The following ZNF589 variants were observed in gnomAD, a reference collection of about 807,000 sequenced individuals.
ZNF589 encodes the protein zinc finger protein 589.
In ZNF589, 17 loss-of-function variants were observed where a neutral mutation model predicts 13.6. The ratio of observed to expected loss-of-function variants is 1.25; its 90% CI spans 0.86 to 1.88. ZNF589 has a LOEUF of 1.88. Ranked by LOEUF, ZNF589 falls within the 40% of genes most tolerant of loss-of-function variation. ZNF589 has a pLI of 0.00. For synonymous variants in ZNF589, 148 were observed against 161.6 expected, an observed-to-expected ratio of 0.92 and a Z score of 0.64; for missense variants, 407 against 434.0, an observed-to-expected ratio of 0.94 and a Z score of 0.55.
rs1463475370 is a variant in ZNF589 at position 48,267,934 on chromosome 3, C to G, written c.243C>G (p.Val81=). 2 of 1,611,000 alleles carry G rather than the reference C, an allele frequency of 1.2e-6. No homozygotes were observed. The highest frequency in any genetic ancestry group is 4.5e-5 in the East Asian group (2 of 44,880). ...CTTCAGCAGAATCAAAGCCAGAAGT[C>G]CATACCTGCCCTTCTTGCCCTCTGG... ...LVSLAESKPE[V]HTCPSCPLAF... is the part of the protein sequence containing the mutation. The change falls in exon 4 of 4, where the codon GTC becomes GTG. Residue 81 remains valine (V), a synonymous_variant. Transcript: ENST00000354698.
In ZNF589 at chr3:48,269,896, A is replaced by G. The variant is rs2034070926; in HGVS notation, c.*1110A>G. ...AGGTGTTGGCTGGAAGTGGCCCCTT[A>G]AGAGATACTTGGAGTCAAATCTATC... On this transcript the variant is annotated 3_prime_UTR_variant, in exon 4 of 4. Coordinates refer to ENST00000354698, the MANE Select transcript of ZNF589 (RefSeq NM_016089.3). 1 of 379,716 alleles carries G rather than the reference A, an allele frequency of 2.6e-6. No individual in the cohort carries two copies. The highest frequency in any genetic ancestry group is 5.2e-6 in the Non-Finnish European group (1 of 192,354). 23.5% of individuals were successfully genotyped at this position (379,716 alleles called of 1,614,324 possible). A position where few individuals can be genotyped will look rare whatever the true frequency, so the allele number is the denominator to read the frequency against.
intron 1 of ZNF589, among the ~76,000 whole-genome samples, chr3:48,241,482 A>AT (rs2033698225): frequency 6.6e-6 from 1 of 152,228 alleles, no homozygotes; most frequent in Non-Finnish European, 1.5e-5. Context: ...GCTGCTGAGC[A>AT]TTTGAGATGT....
At chr3:48,247,729 G>A (rs760510299) in intron 2 of ZNF589, 52 bp downstream of exon 2, 1 of 1,593,596 alleles carries the variant, frequency 6.3e-7, no homozygotes, top group South Asian at 1.1e-5. Context: ...ATTTCTCAGA[G>A]AATGGGCTCA....
chr3:48,244,059 G>A (rs1323603754), intron 1 of ZNF589, among the ~76,000 whole-genome samples: 1 of 152,156 alleles, frequency 6.6e-6, no homozygotes, highest in South Asian at 2.1e-4. Flanking sequence ...CTCATGCTGG[G>A]GAGAGGCACC....
At chr3:48,243,347 G>A (rs1003288604) in intron 1 of ZNF589, among the ~76,000 whole-genome samples, 8 of 151,972 alleles carry the variant, frequency 5.3e-5, no homozygotes, top group Non-Finnish European at 1.0e-4. Flanking sequence ...AACAACAGGT[G>A]GCAGGCTGGA....
intron 2 of ZNF589, among the ~76,000 whole-genome samples, chr3:48,250,483 T>C (rs1392581038): frequency 1.3e-5 from 2 of 151,804 alleles, no homozygotes; most frequent in African/African-American, 4.8e-5. Flanking sequence ...CAACTTTTTT[T>C]TTTTTTGAGA....
intron 1 of ZNF589, 152 bp downstream of exon 1, chr3:48,241,366 C>A: frequency 2.2e-6 from 2 of 922,486 alleles, no homozygotes; most frequent in Non-Finnish European, 1.6e-6. Context: ...CCCTGGGGGG[C>A]CAGGTTCCTC....
Position 48,247,481 on chromosome 3 carries a change from TA to T in ZNF589, c.44-142del, listed in dbSNP as rs530475858. 1.1e-4 allele frequency: 78 copies of T among 689,000 alleles called. No individual in the cohort carries two copies. The African/African-American group carries it at 1.3e-3, about 11-fold the overall frequency. The allele number at this position is 689,000 out of a possible 1,614,324, so 42.7% of individuals were successfully genotyped here. ...GAGCATAGAGAAGTTGACTCAAGCATAAGGCAGGAGGTGAGAGGAGCTCAGG... is the reference window on the plus strand; with the variant it reads ...GAGCATAGAGAAGTTGACTCAAGCATAGGCAGGAGGTGAGAGGAGCTCAGG... On this transcript the variant is annotated intron_variant, in intron 1 of 3. Coordinates refer to ENST00000354698, the MANE Select transcript of ZNF589 (RefSeq NM_016089.3).
intron 2 of ZNF589, chr3:48,256,702 G>C (rs1335844360): frequency 1.3e-5 from 20 of 1,518,834 alleles, no homozygotes; most frequent in Non-Finnish European, 1.3e-5. Context: ...AGTTTTACTT[G>C]TGGTTCAGGT....
At chr3:48,245,577 C>G (rs2033754017) in intron 1 of ZNF589, among the ~76,000 whole-genome samples, 1 of 152,176 alleles carries the variant, frequency 6.6e-6, no homozygotes, top group African/African-American at 2.4e-5. Flanking sequence ...ATATGACATC[C>G]CAGTTCCTTT....
At chr3:48,254,256 A>G (rs1289433275) in intron 2 of ZNF589, among the ~76,000 whole-genome samples, 1 of 151,690 alleles carries the variant, frequency 6.6e-6, no homozygotes, top group Non-Finnish European at 1.5e-5. Context: ...CTCTGTCTCA[A>G]AAAAAAAACT....
chr3:48,256,418 T>C, intron 2 of ZNF589: 1 of 557,860 alleles, frequency 1.8e-6, no homozygotes, highest in Non-Finnish European at 3.4e-6. Context: ...CCCAAGGCCA[T>C]GAACGCCCTG....
rs2034036626 is a variant in ZNF589 at position 48,267,912 on chromosome 3, C to T, written c.224-3C>T. 6.2e-7 allele frequency: 1 copy of T among 1,600,658 alleles called. No homozygotes were observed. Among genetic ancestry groups the T allele is most frequent in the Middle Eastern group, 1.7e-4 (1 of 6,022 alleles). ...CTTCTGACTGGAAACTTTCTTTCTT[C>T]AGCAGAATCAAAGCCAGAAGTCCAT... On this transcript the variant is annotated splice_region_variant and splice_polypyrimidine_tract_variant and intron_variant, in intron 3 of 3. Transcript: ENST00000354698.
chr3:48,245,034 C>G lies in ZNF589; in HGVS notation c.44-2591C>G, dbSNP rs560599403. ...TTCACCATGTTGGCCAGGCTGGTCTCGAACTACTTACCGCCCACCTTGGCC... is the reference window on the plus strand; with the variant it reads ...TTCACCATGTTGGCCAGGCTGGTCTGGAACTACTTACCGCCCACCTTGGCC... On this transcript the variant is annotated intron_variant, in intron 1 of 3. Transcript: ENST00000354698. Among the ~76,000 whole-genome samples the G allele has an allele frequency of 2.0e-5, 3 of 152,058 alleles. No homozygotes were observed. In the East Asian group the frequency reaches 5.8e-4, roughly 29 times the overall value.
At chr3:48,266,087 C>T (rs2034016257) in intron 3 of ZNF589, among the ~76,000 whole-genome samples, 1 of 152,136 alleles carries the variant, frequency 6.6e-6, no homozygotes, top group Non-Finnish European at 1.5e-5. Context: ...TTCCTAAATA[C>T]TCTAAATACA....
Position 48,268,326 on chromosome 3 carries a change from T to G in ZNF589, c.635T>G (p.Phe212Cys). The G allele has an allele frequency of 6.2e-7, 1 of 1,614,140 alleles. No individual in the cohort carries two copies. The highest frequency in any genetic ancestry group is 8.5e-7 in the Non-Finnish European group (1 of 1,180,004). The change falls in exon 4 of 4, where the codon TTT becomes TGT. Residue 212 changes from phenylalanine (F) to cysteine (C), a missense_variant. Coordinates refer to ENST00000354698, the MANE Select transcript of ZNF589 (RefSeq NM_016089.3). Reference protein sequence around the residue: ...RISKRAETPGFGAVTFGECAL... With the variant: ...RISKRAETPGCGAVTFGECAL... ...TCCAAGAGGGCAGAAACCCCAGGGT[T>G]TGGAGCAGTCACGTTTGGGGAGTGT...
intron 2 of ZNF589, among the ~76,000 whole-genome samples, chr3:48,253,084 G>A (rs2033857261): frequency 6.6e-6 from 1 of 151,980 alleles, no homozygotes; most frequent in African/African-American, 2.4e-5. Context: ...CCAGGCTGGA[G>A]TGCAGTGGTG....
At chr3:48,253,377 A>G (rs903736930) in intron 2 of ZNF589, among the ~76,000 whole-genome samples, 9 of 152,128 alleles carry the variant, frequency 5.9e-5, no homozygotes, top group African/African-American at 2.2e-4. Context: ...GTTATTAACT[A>G]AAGTCCAACT....
chr3:48,241,234 T>C lies in ZNF589; in HGVS notation c.43+20T>C, dbSNP rs113256446. ...CGGAAGGTGAGTCGGGGCCGCGAGA[T>C]CGCCTCCCCCATTCGGTGCTCCAGC... On this transcript the variant is annotated intron_variant, in intron 1 of 3. Coordinates refer to ENST00000354698, the MANE Select transcript of ZNF589 (RefSeq NM_016089.3). 854 of 1,609,604 alleles carry C rather than the reference T, an allele frequency of 5.3e-4. 4 individuals carry two copies. In the African/African-American group the frequency reaches 7.6e-3, roughly 14 times the overall value.
Sources: gnomAD v4.1 joint callset for allele counts (sites outside exome capture counted in the v4.1 genomes callset) on GRCh38, gnomAD v4.1.1 for gene constraint, MANE v1.5 for transcripts, NCBI Gene and HGNC (gene_info 2026-07-23, HGNC 2026-07-21) for gene names.